The following FAM184B variants were observed in gnomAD, a reference collection of about 807,000 sequenced individuals.
FAM184B encodes family with sequence similarity 184 member B, also known as protein FAM184B.
In FAM184B, 111 loss-of-function variants were observed where a neutral mutation model predicts 135.9. That is an observed-to-expected ratio of 0.82 (90% CI 0.70 to 0.96). The LOEUF (loss-of-function observed/expected upper bound fraction) is 0.96. Ranked by LOEUF, FAM184B falls within the 40% of genes least tolerant of loss-of-function variation. FAM184B has a pLI of 0.00. For missense variants in FAM184B, 1,375 were observed against 1,323.9 expected (o/e 1.04, Z -0.60); for synonymous variants, 552 against 524.8 (o/e 1.05, Z -0.71).
intron 1 of FAM184B, among the ~76,000 whole-genome samples, chr4:17,747,948 A>AAAT (rs1718208619): frequency 7.3e-6 from 1 of 136,544 alleles, no homozygotes. Context: ...AAAAAAAAAA[A>AAAT]TTCAAAAATT....
At chr4:17,749,964 T>C (rs2108987859) in intron 1 of FAM184B, among the ~76,000 whole-genome samples, 1 of 152,328 alleles carries the variant, frequency 6.6e-6, no homozygotes, top group East Asian at 1.9e-4. Flanking sequence ...TAAAATTCCA[T>C]CATGTACCTC....
chr4:17,748,390 C>T (rs1464786193), intron 1 of FAM184B, among the ~76,000 whole-genome samples: 4 of 151,950 alleles, frequency 2.6e-5, no homozygotes, highest in Admixed American at 6.6e-5. Context: ...TAGAGTTGTC[C>T]CTGTCAGAAG....
At position 17,642,038 on chromosome 4, in the gene FAM184B, G is replaced by C. The variant is rs546335744; in HGVS notation, c.2519+18C>G. The C allele has an allele frequency of 7.9e-6, 12 of 1,518,124 alleles. No homozygotes were observed. The Admixed American group carries it at 1.0e-4, about 13-fold the overall frequency. The allele number at this position is 1,518,124 out of a possible 1,614,324, so 94.0% of individuals were successfully genotyped here. The stretch of plus-strand genomic sequence containing the variant: ...GGGGTGAGGGTGGCGCGGTGGCGGG[G>C]CGCGCCGGGTCACCCACCTGCGCTG... On this transcript the variant is annotated intron_variant, in intron 13 of 17. Coordinates refer to ENST00000265018, the MANE Select transcript of FAM184B (RefSeq NM_015688.2).
At chr4:17,711,417 G>T (rs1274524198) in intron 1 of FAM184B, among the ~76,000 whole-genome samples, 1 of 152,126 alleles carries the variant, frequency 6.6e-6, no homozygotes, top group Non-Finnish European at 1.5e-5. Flanking sequence ...GGTGGAGGTT[G>T]TGGTGAGCAG....
At chr4:17,762,019 A>ATTTTGTTTTGTTTTG (rs112668227) in intron 1 of FAM184B, among the ~76,000 whole-genome samples, 1,769 of 147,268 alleles carry the variant, frequency 0.012, 44 homozygotes, top group African/African-American at 0.045. Context: ...AGGGCTCTTC[A>ATTTTGTTTTGTTTTG]TTTTGTTTTG....
At chr4:17,673,907 C>T (rs1202540069) in intron 7 of FAM184B, among the ~76,000 whole-genome samples, 7 of 151,944 alleles carry the variant, frequency 4.6e-5, no homozygotes, top group Admixed American at 4.6e-4. Context: ...CACCAATAAC[C>T]TATGGAAATA....
At chr4:17,687,867 A>G (rs1197250612) in intron 7 of FAM184B, among the ~76,000 whole-genome samples, 3 of 152,154 alleles carry the variant, frequency 2.0e-5, no homozygotes, top group Non-Finnish European at 4.4e-5. Context: ...GAGAGAGTAC[A>G]TTTCCATGGC....
At chr4:17,733,715 G>A (rs1717842368) in intron 1 of FAM184B, among the ~76,000 whole-genome samples, 1 of 152,162 alleles carries the variant, frequency 6.6e-6, no homozygotes, top group African/African-American at 2.4e-5. Context: ...CCATGCTCAT[G>A]GGTAGGAAGA....
Position 17,642,075 on chromosome 4 carries a change from T to TCTGCGCCTCCTGCTGATGCTG in FAM184B, c.2479_2499dup (p.Gln827_Gln833dup). The TCTGCGCCTCCTGCTGATGCTG allele has an allele frequency of 6.5e-7, 1 of 1,531,540 alleles. No homozygotes were observed. Among genetic ancestry groups the TCTGCGCCTCCTGCTGATGCTG allele is most frequent in the Non-Finnish European group, 8.7e-7 (1 of 1,144,980 alleles). The allele number at this position is 1,531,540 out of a possible 1,614,324, so 94.9% of individuals were successfully genotyped here. ...ACCCACCTGCGCTGGTCTCGGAGCT[T>TCTGCGCCTCCTGCTGATGCTG]CTGCGCCTCCTGCTGATGCTGCTCC... On this transcript the variant is annotated inframe_insertion, in exon 13 of 18. Transcript: ENST00000265018.
At chr4:17,658,156 G>A (rs1715820559) in intron 10 of FAM184B, among the ~76,000 whole-genome samples, 194 bp downstream of exon 10, 1 of 152,208 alleles carries the variant, frequency 6.6e-6, no homozygotes, top group Non-Finnish European at 1.5e-5. Context: ...CCATTTACTA[G>A]CTGTGTGACC....
chr4:17,685,216 AAAG>A, intron 7 of FAM184B, among the ~76,000 whole-genome samples: 1 of 150,796 alleles, frequency 6.6e-6, no homozygotes, highest in Non-Finnish European at 1.5e-5. Context: ...AAAAAAAAAA[AAAG>A]AAACCGAACT....
chr4:17,750,129 G>A (rs1361734053), intron 1 of FAM184B, among the ~76,000 whole-genome samples: 1 of 152,190 alleles, frequency 6.6e-6, no homozygotes, highest in Non-Finnish European at 1.5e-5. Flanking sequence ...ATTTGAGGAT[G>A]AAAGGGCATG....
rs1717190886 is a variant in FAM184B at position 17,709,195 on chromosome 4, C to T, written c.591G>A (p.Leu197=). 1 of 1,548,270 alleles carries T rather than the reference C, an allele frequency of 6.5e-7. No individual in the cohort carries two copies. Among genetic ancestry groups the T allele is most frequent in the Non-Finnish European group, 8.7e-7 (1 of 1,146,570 alleles). The change falls in exon 2 of 18, where the codon CTG becomes CTA. Residue 197 remains leucine (L), a synonymous_variant. Coordinates refer to ENST00000265018, the MANE Select transcript of FAM184B (RefSeq NM_015688.2). ...CCACTCGCAGCCGCTGCACCTCTAGCAGGACCTCCTGCATCTCCGGGCCCT... is the reference window on the plus strand; with the variant it reads ...CCACTCGCAGCCGCTGCACCTCTAGTAGGACCTCCTGCATCTCCGGGCCCT... The part of the protein sequence containing the change: ...PGQGPEMQEV[L]LEVQRLRVEN...
intron 6 of FAM184B, among the ~76,000 whole-genome samples, chr4:17,689,706 C>T (rs373560236): frequency 4.6e-5 from 7 of 152,006 alleles, no homozygotes; most frequent in African/African-American, 1.7e-4. Context: ...TGGTCTCAAA[C>T]TCCTAGGCTC....
intron 7 of FAM184B, among the ~76,000 whole-genome samples, chr4:17,673,750 T>A (rs1716247100): frequency 1.3e-5 from 2 of 152,048 alleles, no homozygotes; most frequent in South Asian, 4.1e-4. Context: ...ACAATGGACT[T>A]TGGAGATTCA....
intron 10 of FAM184B, among the ~76,000 whole-genome samples, chr4:17,655,382 C>G (rs1715758536): frequency 6.6e-6 from 1 of 152,184 alleles, no homozygotes; most frequent in Admixed American, 6.5e-5. Flanking sequence ...GCACTGCCCA[C>G]TCACTTGCTC....
intron 1 of FAM184B, among the ~76,000 whole-genome samples, chr4:17,752,324 G>C (rs888714376): frequency 4.6e-5 from 7 of 152,128 alleles, no homozygotes; most frequent in African/African-American, 1.7e-4. Flanking sequence ...GGAAATGGGT[G>C]GATGGGTAGG....
intron 1 of FAM184B, among the ~76,000 whole-genome samples, chr4:17,751,866 C>CACACACACACACACAA (rs1312940744): frequency 7.0e-6 from 1 of 143,204 alleles, no homozygotes; most frequent in African/African-American, 2.6e-5. Context: ...CACACACACA[C>CACACACACACACACAA]AAAAGAACCA....
At chr4:17,721,438 T>G in intron 1 of FAM184B, among the ~76,000 whole-genome samples, 1 of 119,444 alleles carries the variant, frequency 8.4e-6, no homozygotes, top group African/African-American at 3.2e-5. Context: ...GGCATCCGAG[T>G]GCAGAGGATA....
Sources: allele counts gnomAD v4.1 joint callset (sites outside exome capture counted in the v4.1 genomes callset), GRCh38; gene constraint gnomAD v4.1.1; transcripts MANE v1.5; gene names NCBI Gene and HGNC (gene_info 2026-07-23, HGNC 2026-07-21).